Variants in DLG2 observed in about 807,000 individuals in gnomAD.
DLG2 encodes the protein discs large MAGUK scaffold protein 2.
Under a neutral mutation model 132.5 loss-of-function variants are expected in DLG2, and 45 were observed. The ratio of observed to expected loss-of-function variants is 0.34; its 90% CI spans 0.27 to 0.44. DLG2 has a LOEUF of 0.44. Ranked by LOEUF, DLG2 falls within the 20% of genes least tolerant of loss-of-function variation. The pLI, the probability that DLG2 is intolerant of heterozygous loss-of-function variation, is 1.00. For synonymous variants in DLG2, 424 were observed against 419.6 expected, an observed-to-expected ratio of 1.01 and a Z score of -0.13; for missense variants, 1,045 against 1,196.9, an observed-to-expected ratio of 0.87 and a Z score of 1.87.
chr11:84,018,996 A>T (rs1275524185), intron 11 of DLG2, among the ~76,000 whole-genome samples: 2 of 152,084 alleles, frequency 1.3e-5, no homozygotes, highest in African/African-American at 2.4e-5. Flanking sequence ...AAGGAGAGAA[A>T]GAACTGTGAT....
intron 7 of DLG2, among the ~76,000 whole-genome samples, chr11:84,310,907 G>A (rs1023178968): frequency 6.6e-6 from 1 of 152,216 alleles, no homozygotes; most frequent in African/African-American, 2.4e-5. Context: ...AAGGAACTAT[G>A]AGGGGAGATT....
At chr11:84,861,476 T>C (rs1348106825) in intron 6 of DLG2, among the ~76,000 whole-genome samples, 1 of 151,902 alleles carries the variant, frequency 6.6e-6, no homozygotes, top group Non-Finnish European at 1.5e-5. Flanking sequence ...TAGAGGAGGC[T>C]TAAGGGATAT....
intron 6 of DLG2, among the ~76,000 whole-genome samples, chr11:85,091,053 AC>A (rs1410368018): frequency 6.6e-6 from 1 of 152,170 alleles, no homozygotes; most frequent in Non-Finnish European, 1.5e-5. Flanking sequence ...CTCACTCATT[AC>A]AGAGAGGACT....
intron 6 of DLG2, among the ~76,000 whole-genome samples, chr11:84,535,862 T>C (rs959297705): frequency 2.0e-5 from 3 of 152,050 alleles, no homozygotes; most frequent in Non-Finnish European, 2.9e-5. Flanking sequence ...GATCTAAACA[T>C]TGTCATAACA....
At chr11:85,444,122 C>T (rs1365449865) in intron 3 of DLG2, among the ~76,000 whole-genome samples, 3 of 152,132 alleles carry the variant, frequency 2.0e-5, no homozygotes, top group Non-Finnish European at 4.4e-5. Context: ...ACTTCATTCA[C>T]CTACTACCTC....
chr11:83,551,761 C>G (rs1343911017), intron 19 of DLG2, among the ~76,000 whole-genome samples: 1 of 152,014 alleles, frequency 6.6e-6, no homozygotes, highest in African/African-American at 2.4e-5. Context: ...CTCACCCAGG[C>G]AAAAGCATTG....
intron 3 of DLG2, among the ~76,000 whole-genome samples, chr11:85,424,345 A>G (rs1371569500): frequency 6.6e-6 from 1 of 152,192 alleles, no homozygotes; most frequent in Non-Finnish European, 1.5e-5. Context: ...TATTCCTGCC[A>G]TCACTCTGGA....
intron 4 of DLG2, among the ~76,000 whole-genome samples, chr11:85,158,848 A>T (rs1378510504): frequency 6.6e-6 from 1 of 152,184 alleles, no homozygotes; most frequent in African/African-American, 2.4e-5. Context: ...CTGCATTCAT[A>T]CTTAATGTAT....
chr11:85,354,369 C>G (rs190208157), intron 3 of DLG2, among the ~76,000 whole-genome samples: 1 of 152,114 alleles, frequency 6.6e-6, no homozygotes, highest in Non-Finnish European at 1.5e-5. Flanking sequence ...TATATAATCA[C>G]TCAAAACTCA....
At chr11:85,055,857 G>A (rs2063398347) in intron 6 of DLG2, among the ~76,000 whole-genome samples, 1 of 152,080 alleles carries the variant, frequency 6.6e-6, no homozygotes, top group Non-Finnish European at 1.5e-5. Context: ...GATAGGGTTA[G>A]GGTTAAGGTT....
chr11:84,844,755 C>T (rs1312035544), intron 6 of DLG2, among the ~76,000 whole-genome samples: 2 of 152,018 alleles, frequency 1.3e-5, no homozygotes, highest in Non-Finnish European at 2.9e-5. Context: ...TTGCATGTTA[C>T]GTGTATGACA....
At chr11:84,929,619 G>C (rs183886644) in intron 6 of DLG2, among the ~76,000 whole-genome samples, 1 of 152,132 alleles carries the variant, frequency 6.6e-6, no homozygotes, top group Admixed American at 6.6e-5. Context: ...GTAAAGTTCT[G>C]AGTAAAACAA....
At chr11:85,574,455 C>T (rs1174571189) in intron 3 of DLG2, among the ~76,000 whole-genome samples, 1 of 151,630 alleles carries the variant, frequency 6.6e-6, no homozygotes, top group Non-Finnish European at 1.5e-5. Flanking sequence ...TCCTCCTTGA[C>T]TCTTCTGTTA....
At chr11:83,788,911 T>C (rs758319295) in intron 17 of DLG2, among the ~76,000 whole-genome samples, 44 of 152,244 alleles carry the variant, frequency 2.9e-4, no homozygotes, top group Non-Finnish European at 4.9e-4. Context: ...TTTCATGTTA[T>C]GGCAATTTGT....
chr11:85,062,097 C>T (rs961116108), intron 6 of DLG2, among the ~76,000 whole-genome samples: 1 of 151,808 alleles, frequency 6.6e-6, no homozygotes, highest in African/African-American at 2.4e-5. Flanking sequence ...CATTATTATA[C>T]TGATAAAATC....
chr11:84,371,528 G>A (rs538756124), intron 7 of DLG2, among the ~76,000 whole-genome samples: 360 of 152,178 alleles, frequency 2.4e-3, no homozygotes, highest in Non-Finnish European at 4.5e-3. Flanking sequence ...AGTTACAGCT[G>A]TGAGCCACCA....
chr11:85,468,472 C>T (rs1212827024), intron 3 of DLG2, among the ~76,000 whole-genome samples: 4 of 152,204 alleles, frequency 2.6e-5, no homozygotes, highest in South Asian at 2.1e-4. Flanking sequence ...TCCCTCTACA[C>T]ACTGCTTTGA....
intron 6 of DLG2, among the ~76,000 whole-genome samples, chr11:84,859,316 T>C (rs1481101385): frequency 7.0e-6 from 1 of 142,260 alleles, no homozygotes; most frequent in Non-Finnish European, 1.6e-5. Flanking sequence ...TACCTATATA[T>C]GTATATCTAC....
At chr11:83,742,435 G>A (rs977529131) in intron 18 of DLG2, among the ~76,000 whole-genome samples, 5 of 152,120 alleles carry the variant, frequency 3.3e-5, no homozygotes, top group African/African-American at 1.2e-4. Flanking sequence ...ATTAGCAGGA[G>A]AAGGTTAATT....
Sources: allele counts gnomAD v4.1 joint callset (sites outside exome capture counted in the v4.1 genomes callset), GRCh38; gene constraint gnomAD v4.1.1; transcripts MANE v1.5; gene names NCBI Gene and HGNC (gene_info 2026-07-23, HGNC 2026-07-21).